Variants in OR4N2 observed in about 807,000 individuals in gnomAD.
OR4N2 encodes olfactory receptor family 4 subfamily N member 2, also known as olfactory receptor 4N2.
For missense variants in OR4N2, 307 were observed against 377.6 expected, an observed-to-expected ratio of 0.81 and a Z score of 1.55; for synonymous variants, 141 against 140.4, an observed-to-expected ratio of 1.00 and a Z score of -0.03.
chr14:19,806,500 G>C (rs576431350), intron 1 of OR4N2, among the ~76,000 whole-genome samples: 1 of 152,094 alleles, frequency 6.6e-6, no homozygotes, highest in East Asian at 1.9e-4. Flanking sequence ...AATGATAAAG[G>C]GTTCAATTCA....
At chr14:19,809,023 G>C (rs1246338913) in intron 1 of OR4N2, among the ~76,000 whole-genome samples, 1 of 152,180 alleles carries the variant, frequency 6.6e-6, no homozygotes, top group Non-Finnish European at 1.5e-5. Flanking sequence ...ATGGAGAAAA[G>C]ACTCTGTTTA....
intron 1 of OR4N2, among the ~76,000 whole-genome samples, chr14:19,824,614 TGCCACCC>T (rs1879646134): frequency 6.6e-6 from 1 of 152,238 alleles, no homozygotes; most frequent in South Asian, 2.1e-4. Flanking sequence ...CTTCCACCTC[TGCCACCC>T]CTGACACAGA....
rs149359905 is a variant in OR4N2, at chr14:19,827,458, G to A, written c.10G>A (p.Glu4Lys). The change falls in exon 2 of 2, where the codon GAG becomes AAG. Residue 4 changes from glutamate (E) to lysine (K), a missense_variant. Transcript: ENST00000557677. ...ACTGCAGGCCAGGGAAATGGAAAGC[G>A]AGAACAGAACAGTGATAAGAGAATT... is the stretch of plus-strand genomic sequence containing the variant. MES[E>K]NRTVIREFIL... is the part of the protein sequence containing the mutation. 109 of 1,586,840 alleles carry A rather than the reference G, an allele frequency of 6.9e-5. No homozygotes were observed. The African/African-American group carries it at 1.3e-3, about 19-fold the overall frequency.
At chr14:19,820,180 G>A (rs1879529073) in intron 1 of OR4N2, among the ~76,000 whole-genome samples, 1 of 152,246 alleles carries the variant, frequency 6.6e-6, no homozygotes, top group South Asian at 2.1e-4. Flanking sequence ...AGCCACTTGA[G>A]GAGGCAGTCT....
chr14:19,815,655 G>GTTTTTTT (rs59019427), intron 1 of OR4N2, among the ~76,000 whole-genome samples: 16 of 138,520 alleles, frequency 1.2e-4, no homozygotes, highest in Non-Finnish European at 1.4e-4. Context: ...GTTTTTTTTT[G>GTTTTTTT]TTTTTTTTTT....
intron 1 of OR4N2, among the ~76,000 whole-genome samples, chr14:19,824,987 G>A (rs1474136867): frequency 6.6e-6 from 1 of 152,338 alleles, no homozygotes; most frequent in East Asian, 1.9e-4. Context: ...CTGTAGAAGG[G>A]GCTCTTGATT....
chr14:19,804,431 C>T (rs991769246), intron 1 of OR4N2, among the ~76,000 whole-genome samples: 2 of 152,148 alleles, frequency 1.3e-5, no homozygotes, highest in African/African-American at 4.8e-5. Context: ...CAAAGAATTT[C>T]TTGACTTCTG....
chr14:19,804,564 G>A (rs1189015781), intron 1 of OR4N2, among the ~76,000 whole-genome samples: 2 of 152,096 alleles, frequency 1.3e-5, no homozygotes, highest in Non-Finnish European at 2.9e-5. Context: ...GAGAAAGTGT[G>A]GTTTGTATGA....
chr14:19,815,655 G>GTT (rs59019427), intron 1 of OR4N2, among the ~76,000 whole-genome samples: 49 of 138,520 alleles, frequency 3.5e-4, no homozygotes, highest in East Asian at 4.1e-4. Context: ...GTTTTTTTTT[G>GTT]TTTTTTTTTT....
intron 1 of OR4N2, 62 bp from the exon 2 acceptor site, chr14:19,827,378 A>C: frequency 1.4e-6 from 2 of 1,408,380 alleles, no homozygotes; most frequent in Non-Finnish European, 1.9e-6. Context: ...TTAGCTGTAT[A>C]ACTAGTATCT....
At chr14:19,807,724 A>G (rs1428942862) in intron 1 of OR4N2, among the ~76,000 whole-genome samples, 9 of 152,190 alleles carry the variant, frequency 5.9e-5, no homozygotes, top group Non-Finnish European at 1.3e-4. Context: ...GCTCCTCCCT[A>G]ACTCATTCTA....
chr14:19,813,327 A>G (rs1393475111), intron 1 of OR4N2, among the ~76,000 whole-genome samples: 1 of 152,228 alleles, frequency 6.6e-6, no homozygotes, highest in Non-Finnish European at 1.5e-5. Context: ...GTGCATTTAT[A>G]TGGAATGCCA....
At chr14:19,805,306 T>C (rs760091476) in intron 1 of OR4N2, among the ~76,000 whole-genome samples, 12 of 152,320 alleles carry the variant, frequency 7.9e-5, no homozygotes, top group Middle Eastern at 3.4e-3. Context: ...TGGAAGCTCA[T>C]TGAGATTCAG....
chr14:19,820,875 G>A (rs7144990), intron 1 of OR4N2, among the ~76,000 whole-genome samples: 31,072 of 149,000 alleles, frequency 0.21, 1,511 homozygotes, highest in South Asian at 0.27. Flanking sequence ...CTCCATGGGG[G>A]TGGGATCCAC....
At chr14:19,815,811 T>A (rs1879413417) in intron 1 of OR4N2, among the ~76,000 whole-genome samples, 1 of 152,168 alleles carries the variant, frequency 6.6e-6, no homozygotes, top group South Asian at 2.1e-4. Flanking sequence ...AGGTTTTCTT[T>A]TAGGGTTTTT....
At chr14:19,810,733 A>C (rs1038344837) in intron 1 of OR4N2, among the ~76,000 whole-genome samples, 1 of 152,266 alleles carries the variant, frequency 6.6e-6, no homozygotes, top group Admixed American at 6.5e-5. Flanking sequence ...ATTAGAAAAA[A>C]TTTTAAAAGT....
At chr14:19,812,594 G>A (rs867714249) in intron 1 of OR4N2, among the ~76,000 whole-genome samples, 11 of 152,176 alleles carry the variant, frequency 7.2e-5, no homozygotes, top group African/African-American at 1.9e-4. Context: ...TCCTGACTTC[G>A]TGATCCGCCC....
chr14:19,822,207 A>C (rs922737988), intron 1 of OR4N2: 2 of 152,056 alleles, frequency 1.3e-5, no homozygotes, highest in African/African-American at 2.4e-5. Context: ...GCTTGGGATT[A>C]CTTTACTGGC....
chr14:19,819,439 C>T (rs1192437251), intron 1 of OR4N2, among the ~76,000 whole-genome samples: 2 of 152,228 alleles, frequency 1.3e-5, no homozygotes, highest in African/African-American at 4.8e-5. Flanking sequence ...TTAAGTTGAT[C>T]TTCAATCCCT....
Sources: gnomAD v4.1 joint callset for allele counts (sites outside exome capture counted in the v4.1 genomes callset) on GRCh38, gnomAD v4.1.1 for gene constraint, MANE v1.5 for transcripts, NCBI Gene and HGNC (gene_info 2026-07-23, HGNC 2026-07-21) for gene names.